Variants in DRAP1 observed in about 807,000 individuals in gnomAD.
DRAP1 encodes DR1 associated protein 1.
A neutral mutation model predicts 24.1 loss-of-function variants in DRAP1; 10 were observed. The ratio of observed to expected loss-of-function variants is 0.41; its 90% CI spans 0.26 to 0.70. The LOEUF (loss-of-function observed/expected upper bound fraction) is 0.70. Among genes scored for constraint, DRAP1 ranks in the 30% least tolerant of loss-of-function variants. The pLI is 0.29. For synonymous variants in DRAP1, 122 were observed against 113.8 expected, an observed-to-expected ratio of 1.07 and a Z score of -0.46; for missense variants, 264 against 275.6, an observed-to-expected ratio of 0.96 and a Z score of 0.30.
In DRAP1 at chr11:65,921,466, T is replaced by C. The variant is rs1854550246; in HGVS notation, c.*31T>C. ...TCTGCCCCCCAGACCATAGCCCCTT[T>C]TAGTTGGTTTTAGTTGCTCTGGGGG... is the stretch of plus-strand genomic sequence containing the variant. On this transcript the variant is annotated 3_prime_UTR_variant, in exon 7 of 7. Coordinates refer to ENST00000312515, the MANE Select transcript of DRAP1 (RefSeq NM_006442.4). 9.9e-7 allele frequency: 1 copy of C among 1,014,566 alleles called. No individual in the cohort carries two copies. Among genetic ancestry groups the C allele is most frequent in the Admixed American group, 1.9e-5 (1 of 53,114 alleles). The allele number at this position is 1,014,566 out of a possible 1,614,324, so 62.8% of individuals were successfully genotyped here. A position where few individuals can be genotyped will look rare whatever the true frequency, so the allele number is the denominator to read the frequency against.
At position 65,919,818 on chromosome 11, in the gene DRAP1, T is replaced by C. The variant is rs1345121461; in HGVS notation, c.81T>C (p.Ile27=). ...IKKIMQTDEE[I]GKVAAAVPVI... ...AGATCATGCAGACGGACGAAGAGAT[T>C]GGGAAGGTGGCGGCGGCGGTGCCTG... Residue 27 remains isoleucine (I), a synonymous_variant, in exon 2 of 7, where the codon ATT becomes ATC. Coordinates refer to ENST00000312515, the MANE Select transcript of DRAP1 (RefSeq NM_006442.4). The C allele has an allele frequency of 2.5e-6, 4 of 1,612,668 alleles. No homozygotes were observed. In the Admixed American group the frequency reaches 6.7e-5, roughly 27 times the overall value.
intron 3 of DRAP1, 29 bp from the exon 4 acceptor site, chr11:65,920,314 G>T: frequency 6.2e-7 from 1 of 1,613,430 alleles, no homozygotes; most frequent in South Asian, 1.1e-5. Flanking sequence ...GGCCCCTCTT[G>T]AGTGCCAGCC....
Position 65,919,464 on chromosome 11 carries a change from G to A in DRAP1, c.-38G>A. ...GCCCGGGAGCCGGGAGGCTGCGGGC[G>A]GCGGCGCTGGACCCGACGCGGCGAG... On this transcript the variant is annotated 5_prime_UTR_variant, in exon 1 of 7. Transcript: ENST00000312515. The A allele has an allele frequency of 1.3e-6, 2 of 1,517,880 alleles. No individual in the cohort carries two copies. The highest frequency in any genetic ancestry group is 1.2e-5 in the South Asian group (1 of 80,636). The allele number at this position is 1,517,880 out of a possible 1,614,324, so 94.0% of individuals were successfully genotyped here.
chr11:65,919,708 G>T, intron 1 of DRAP1, 72 bp from the exon 2 acceptor site: 1 of 1,587,206 alleles, frequency 6.3e-7, no homozygotes, highest in East Asian at 2.3e-5. Flanking sequence ...CTCCGGGGAT[G>T]CCCCTTCCTC....
In DRAP1 at chr11:65,920,325, C is replaced by G. The variant is rs968425709; in HGVS notation, c.210-18C>G. On this transcript the variant is annotated intron_variant, in intron 3 of 6. Coordinates refer to ENST00000312515, the MANE Select transcript of DRAP1 (RefSeq NM_006442.4). ...TCTGGGCCCCTCTTGAGTGCCAGCC[C>G]CTCCTCACCTCTTCCAGGAAGCAGT... 3.1e-6 allele frequency: 5 copies of G among 1,613,808 alleles called. No homozygotes were observed. The Admixed American group carries it at 8.3e-5, about 27-fold the overall frequency.
Position 65,919,940 on chromosome 11 carries a change from C to T in DRAP1, c.116-8C>T, listed in dbSNP as rs761916267. On this transcript the variant is annotated splice_region_variant and splice_polypyrimidine_tract_variant and intron_variant, in intron 2 of 6. Transcript: ENST00000312515. ...TCCTGCCCCGGAGTTCTCCTTGACG[C>T]TCCTCAGCCCGGGCGCTCGAGCTCT... 10 of 1,613,808 alleles carry T rather than the reference C, an allele frequency of 6.2e-6. No individual in the cohort carries two copies. The highest frequency in any genetic ancestry group is 8.5e-6 in the Non-Finnish European group (10 of 1,179,904).
rs750264007 is a variant in DRAP1 at position 65,921,485 on chromosome 11, CT to C, written c.*51del. ...CCCCTTTTAGTTGGTTTTAGTTGCTCTGGGGGGAGGAGAGAAGGTAGAGCTG... is the reference window on the plus strand; with the variant it reads ...CCCCTTTTAGTTGGTTTTAGTTGCTCGGGGGGAGGAGAGAAGGTAGAGCTG... On this transcript the variant is annotated 3_prime_UTR_variant, in exon 7 of 7. Coordinates refer to ENST00000312515, the MANE Select transcript of DRAP1 (RefSeq NM_006442.4). The C allele has an allele frequency of 6.5e-5, 57 of 880,556 alleles. No homozygotes were observed. The highest frequency in any genetic ancestry group is 2.3e-4 in the Middle Eastern group (1 of 4,386). 54.5% of individuals were successfully genotyped at this position (880,556 alleles called of 1,614,324 possible). A position where few individuals can be genotyped will look rare whatever the true frequency, so the allele number is the denominator to read the frequency against.
At position 65,920,040 on chromosome 11, in the gene DRAP1, C is replaced by G; in HGVS notation, c.208C>G (p.Leu70Val). Residue 70 changes from leucine (L) to valine (V), a missense_variant and splice_region_variant, in exon 3 of 7, where the codon CTG becomes GTG. Leu to Val is a conservative substitution (Grantham distance 32, BLOSUM62 1). Coordinates refer to ENST00000312515, the MANE Select transcript of DRAP1 (RefSeq NM_006442.4). ...CGCGAAGACCATGACCACATCCCAC[C>G]TGTGAGCGGCGAGGAGCCGGGAGGG... The part of the protein sequence containing the change: ...RNAKTMTTSH[L>V]KQCIELEQQF... 1 of 1,613,048 alleles carries G rather than the reference C, an allele frequency of 6.2e-7. No homozygotes were observed. The highest frequency in any genetic ancestry group is 8.5e-7 in the Non-Finnish European group (1 of 1,179,682).
At position 65,920,599 on chromosome 11, in the gene DRAP1, G is replaced by A. The variant is rs1413895294; in HGVS notation, c.360G>A (p.Lys120=). ...GGAAGCCAGGCAGCGGCGGCCGGAA[G>A]AACGGTGGGATGGGAACGAAAAGCA... The part of the protein sequence containing the change: ...RGRKPGSGGR[K]NGGMGTKSKD... The change falls in exon 5 of 7, where the codon AAG becomes AAA. Residue 120 remains lysine, a synonymous_variant. Coordinates refer to ENST00000312515, the MANE Select transcript of DRAP1 (RefSeq NM_006442.4). 1.3e-6 allele frequency: 2 copies of A among 1,571,702 alleles called. No individual in the cohort carries two copies. The highest frequency in any genetic ancestry group is 1.7e-6 in the Non-Finnish European group (2 of 1,158,738).
chr11:65,920,229 G>A, intron 3 of DRAP1, 114 bp from the exon 4 acceptor site: 1 of 1,534,998 alleles, frequency 6.5e-7, no homozygotes, highest in Non-Finnish European at 8.8e-7. Flanking sequence ...GCAGGCCCGG[G>A]AGCGGAGATC....
At chr11:65,921,186 C>T (rs541897887) in intron 6 of DRAP1, 144 bp from the exon 7 acceptor site, 48 of 680,674 alleles carry the variant, frequency 7.1e-5, no homozygotes, top group Non-Finnish European at 1.1e-4. Flanking sequence ...GCCTGCCCTG[C>T]GTGAGCTGCC....
In DRAP1 at chr11:65,920,905, A is replaced by G; in HGVS notation, c.445A>G (p.Thr149Ala). The G allele has an allele frequency of 6.2e-7, 1 of 1,613,404 alleles. No individual in the cohort carries two copies. The highest frequency in any genetic ancestry group is 8.5e-7 in the Non-Finnish European group (1 of 1,179,658). Residue 149 changes from threonine (T) to alanine (A), a missense_variant, in exon 6 of 7, where the codon ACT (threonine) becomes GCT (alanine). Around this residue, in one of 2 missense-constraint regions of DRAP1, gnomAD observed 243 missense variants for 233.6 expected, o/e 1.04. Transcript: ENST00000312515. ...ACAGGATGAATCTGAGGACACAGAT[A>G]CTGATGGGGAAGAGGAGACATCACA... ...EQEDESEDTD[T>A]DGEEETSQPP...
In DRAP1 at chr11:65,920,873, G is replaced by A. The variant is rs375300934; in HGVS notation, c.424-11G>A. On this transcript the variant is annotated splice_polypyrimidine_tract_variant and intron_variant, in intron 5 of 6. Transcript: ENST00000312515. ...TTTTCTTGTCAACTCTGACCTCTGCGGTGCTCACAGGATGAATCTGAGGAC... is the reference window on the plus strand; with the variant it reads ...TTTTCTTGTCAACTCTGACCTCTGCAGTGCTCACAGGATGAATCTGAGGAC... 2.5e-6 allele frequency: 4 copies of A among 1,609,608 alleles called. No individual in the cohort carries two copies. Among genetic ancestry groups the A allele is most frequent in the South Asian group, 2.2e-5 (2 of 90,564 alleles).
rs1357309051 is a variant in DRAP1, at chr11:65,919,802, A to AGACG, written c.70_73dup (p.Glu25GlyfsTer58). Reference sequence around the variant, plus strand: ...CAGGCGCGGATCAAGAAGATCATGCAGACGGACGAAGAGATTGGGAAGGTG... The same window carrying AGACG: ...CAGGCGCGGATCAAGAAGATCATGCAGACGGACGGACGAAGAGATTGGGAAGGTG... On this transcript the variant is annotated frameshift_variant, in exon 2 of 7. Coordinates refer to ENST00000312515, the MANE Select transcript of DRAP1 (RefSeq NM_006442.4). LOFTEE classifies it high-confidence loss of function. 6.2e-7 allele frequency: 1 copy of AGACG among 1,612,924 alleles called. No individual in the cohort carries two copies. Among genetic ancestry groups the AGACG allele is most frequent in the Non-Finnish European group, 8.5e-7 (1 of 1,179,958 alleles).
intron 1 of DRAP1, 55 bp from the exon 2 acceptor site, chr11:65,919,725 C>T (rs1312406865): frequency 1.9e-6 from 3 of 1,607,348 alleles, no homozygotes; most frequent in Non-Finnish European, 2.5e-6. Flanking sequence ...CCTCCCCCAG[C>T]ACCCCCTTAG....
At position 65,919,464 on chromosome 11, in the gene DRAP1, G is replaced by T. The variant is rs1303634024; in HGVS notation, c.-38G>T. On this transcript the variant is annotated 5_prime_UTR_variant, in exon 1 of 7. Transcript: ENST00000312515. ...GCCCGGGAGCCGGGAGGCTGCGGGC[G>T]GCGGCGCTGGACCCGACGCGGCGAG... The T allele has an allele frequency of 6.6e-6, 10 of 1,517,770 alleles. No homozygotes were observed. Among genetic ancestry groups the T allele is most frequent in the African/African-American group, 1.5e-5 (1 of 68,868 alleles). The allele number at this position is 1,517,770 out of a possible 1,614,324, so 94.0% of individuals were successfully genotyped here.
At position 65,920,334 on chromosome 11, in the gene DRAP1, C is replaced by T. The variant is rs202098372; in HGVS notation, c.210-9C>T. 188 of 1,613,996 alleles carry T rather than the reference C, an allele frequency of 1.2e-4. No individual in the cohort carries two copies. The highest frequency in any genetic ancestry group is 6.7e-4 in the Admixed American group (40 of 60,032). On this transcript the variant is annotated splice_polypyrimidine_tract_variant and intron_variant, in intron 3 of 6. Transcript: ENST00000312515. ...CTCTTGAGTGCCAGCCCCTCCTCAC[C>T]TCTTCCAGGAAGCAGTGCATCGAGC...
Position 65,921,555 on chromosome 11 carries a change from T to A in DRAP1, c.*120T>A. 1 of 532,166 alleles carries A rather than the reference T, an allele frequency of 1.9e-6. No homozygotes were observed. 33.0% of individuals were successfully genotyped at this position (532,166 alleles called of 1,614,324 possible). On this transcript the variant is annotated 3_prime_UTR_variant, in exon 7 of 7. Coordinates refer to ENST00000312515, the MANE Select transcript of DRAP1 (RefSeq NM_006442.4). ...AAAAAAATAAAAGGGAATCTCAGTG[T>A]CTGTTCCAGGCTCTGCGCAGGACGT...
Position 65,920,653 on chromosome 11 carries a change from G to A in DRAP1, c.414G>A (p.Ser138=), listed in dbSNP as rs143275766. ...ACAAGAAGCTGTCCGGGACAGACTC[G>A]GAGCAGGAGGTGAGTGAGGCCCCAG... The part of the protein sequence containing the change: ...SKDKKLSGTD[S]EQEDESEDTD... Residue 138 remains serine (S), a synonymous_variant, in exon 5 of 7, where the codon TCG becomes TCA. Coordinates refer to ENST00000312515, the MANE Select transcript of DRAP1 (RefSeq NM_006442.4). The A allele has an allele frequency of 3.4e-6, 5 of 1,488,404 alleles. No homozygotes were observed. Among genetic ancestry groups the A allele is most frequent in the Middle Eastern group, 1.8e-4 (1 of 5,650 alleles). 92.2% of individuals were successfully genotyped at this position (1,488,404 alleles called of 1,614,324 possible).
Sources: allele counts gnomAD v4.1 joint callset, GRCh38; gene constraint gnomAD v4.1.1; regional missense constraint gnomAD v4.1.1; transcripts MANE v1.5; gene names NCBI Gene and HGNC (gene_info 2026-07-23, HGNC 2026-07-21).